The following DCAF1 variants were observed in gnomAD, a reference collection of about 807,000 sequenced individuals.
The protein encoded by DCAF1 is DDB1- and CUL4-associated factor 1.
DCAF1 carries 15 observed loss-of-function variants against 128.0 expected under a neutral mutation model. The ratio of observed to expected loss-of-function variants is 0.12; its 90% CI spans 0.08 to 0.18. DCAF1 has a LOEUF of 0.18. Among genes scored for constraint, DCAF1 ranks in the 10% least tolerant of loss-of-function variants. The pLI, the probability that DCAF1 is intolerant of heterozygous loss-of-function variation, is 1.00. For synonymous variants in DCAF1, 610 were observed against 603.0 expected, an observed-to-expected ratio of 1.01 and a Z score of -0.17; for missense variants, 988 against 1,649.5, an observed-to-expected ratio of 0.60 and a Z score of 6.95.
At chr3:51,483,068 G>C (rs143091982) in intron 3 of DCAF1, among the ~76,000 whole-genome samples, 1 of 151,392 alleles carries the variant, frequency 6.6e-6, no homozygotes, top group Non-Finnish European at 1.5e-5. Flanking sequence ...GAACCCAGGA[G>C]GCGGAGGTTA....
chr3:51,400,904 A>G (rs2089636149), intron 24 of DCAF1, among the ~76,000 whole-genome samples: 1 of 152,066 alleles, frequency 6.6e-6, no homozygotes, highest in Admixed American at 6.5e-5. Context: ...AGGCCAAAGC[A>G]GGCGGATCAC....
At chr3:51,417,473 C>T (rs1553630783) in intron 17 of DCAF1, among the ~76,000 whole-genome samples, 1 of 151,974 alleles carries the variant, frequency 6.6e-6, no homozygotes, top group Non-Finnish European at 1.5e-5. Flanking sequence ...GTAATCCCAG[C>T]ACTTTGGGAG....
chr3:51,420,188 T>C lies in DCAF1; in HGVS notation c.2782A>G (p.Thr928Ala). Reference protein sequence around the residue: ...AVGASAPSAPTAHPQPRPPQG... With the variant: ...AVGASAPSAPAAHPQPRPPQG... Reference sequence around the variant, plus strand: ...GGGGGCCGTGGCTGAGGATGAGCAGTAGGGGCAGAAGGCGCAGAGGCACCC... The same window carrying C: ...GGGGGCCGTGGCTGAGGATGAGCAGCAGGGGCAGAAGGCGCAGAGGCACCC... The change falls in exon 15 of 25, where the codon ACT becomes GCT. Residue 928 changes from threonine (T) to alanine (A), a missense_variant. Coordinates refer to ENST00000684031, the MANE Select transcript of DCAF1 (RefSeq NM_001387579.1). The surrounding 1 kb of genome is among the most constrained non-coding windows in gnomAD (Gnocchi z 6.5). 2 of 1,613,660 alleles carry C rather than the reference T, an allele frequency of 1.2e-6. No homozygotes were observed. Among genetic ancestry groups the C allele is most frequent in the East Asian group, 4.5e-5 (2 of 44,870 alleles).
chr3:51,439,712 C>A (rs967597617), intron 9 of DCAF1, among the ~76,000 whole-genome samples: 63 of 151,918 alleles, frequency 4.1e-4, no homozygotes, highest in African/African-American at 1.5e-3. Context: ...TTTTTTGTGG[C>A]CAGGCGTGAT....
chr3:51,445,989 C>CTTTTTT (rs782164524), intron 6 of DCAF1, among the ~76,000 whole-genome samples: 1 of 117,634 alleles, frequency 8.5e-6, no homozygotes. Context: ...AACCTAAGTT[C>CTTTTTT]TTTTTTTTTT....
At chr3:51,404,484 A>T (rs1553626003) in intron 23 of DCAF1, among the ~76,000 whole-genome samples, 1 of 152,224 alleles carries the variant, frequency 6.6e-6, no homozygotes, top group Non-Finnish European at 1.5e-5. Flanking sequence ...CAAGCACTTA[A>T]AAAACAAGCA....
chr3:51,487,678 TTC>T (rs1463665669), intron 2 of DCAF1, among the ~76,000 whole-genome samples: 123 of 151,464 alleles, frequency 8.1e-4, no homozygotes, highest in African/African-American at 2.7e-3. Context: ...TCTCTCCTCT[TTC>T]TCTCTCTCTC....
intron 3 of DCAF1, among the ~76,000 whole-genome samples, chr3:51,473,734 C>T (rs1003568511): frequency 1.2e-4 from 18 of 151,962 alleles, no homozygotes; most frequent in African/African-American, 4.1e-4. Context: ...CCTCGAACTC[C>T]TGGGCTCAAG....
intron 23 of DCAF1, among the ~76,000 whole-genome samples, chr3:51,408,131 G>T (rs558830235): frequency 1.3e-5 from 2 of 152,194 alleles, no homozygotes; most frequent in East Asian, 3.9e-4. Context: ...AATATTTATG[G>T]GTGTCCAATA....
At position 51,413,012 on chromosome 3, in the gene DCAF1, C is replaced by T. The variant is rs1559480271; in HGVS notation, c.4091G>A (p.Cys1364Tyr). 1 of 1,613,964 alleles carries T rather than the reference C, an allele frequency of 6.2e-7. No homozygotes were observed. Among genetic ancestry groups the T allele is most frequent in the Non-Finnish European group, 8.5e-7 (1 of 1,179,868 alleles). Residue 1364 changes from cysteine to tyrosine, a missense_variant, in exon 22 of 25, where the codon TGC (cysteine) becomes TAC (tyrosine). Coordinates refer to ENST00000684031, the MANE Select transcript of DCAF1 (RefSeq NM_001387579.1). ...CTTTACCTCAATGACAGCAAGATAG[C>T]AGTCTTTGGTGTCTGTACACAGGTC... Reference protein sequence around the residue: ...IFDLCTDTKDCYLAVIENQGS... With the variant: ...IFDLCTDTKDYYLAVIENQGS...
chr3:51,397,593 C>CG (rs1292900035), downstream of DCAF1: 5 of 167,240 alleles, frequency 3.0e-5, no homozygotes, highest in East Asian at 9.6e-4. Context: ...CAGAGAGCTG[C>CG]GTCCACAGGG....
upstream of DCAF1, among the ~76,000 whole-genome samples, chr3:51,500,353 C>T (rs937992747): frequency 2.6e-5 from 4 of 152,098 alleles, no homozygotes; most frequent in African/African-American, 9.7e-5. Context: ...CCTTCTAAGA[C>T]AGTACTGTAA....
rs1191260386 is a variant in DCAF1 at position 51,414,840 on chromosome 3, A to T, written c.3621T>A (p.Thr1207=). The change falls in exon 19 of 25, where the codon ACT becomes ACA. Residue 1207 remains threonine, a synonymous_variant. Coordinates refer to ENST00000684031, the MANE Select transcript of DCAF1 (RefSeq NM_001387579.1). Reference sequence around the variant, plus strand: ...TAAACAGAGTCAACAGCTTGTTGCCAGTCTGAATATCATAAATCTTTAGAG... The same window carrying T: ...TAAACAGAGTCAACAGCTTGTTGCCTGTCTGAATATCATAAATCTTTAGAG... ...GDIAHIYDIQ[T]GNKLLTLFNP... 5.0e-6 allele frequency: 8 copies of T among 1,613,916 alleles called. No individual in the cohort carries two copies. Among genetic ancestry groups the T allele is most frequent in the Non-Finnish European group, 6.8e-6 (8 of 1,179,782 alleles).
At chr3:51,453,211 CACA>C (rs1303665134) in intron 6 of DCAF1, among the ~76,000 whole-genome samples, 17 of 152,218 alleles carry the variant, frequency 1.1e-4, no homozygotes, top group Non-Finnish European at 2.4e-4. Context: ...TAACGTTAAT[CACA>C]ACGTTATTCT....
In DCAF1 at chr3:51,429,446, A is replaced by G; in HGVS notation, c.1492T>C (p.Leu498=). The G allele has an allele frequency of 1.3e-6, 1 of 780,932 alleles. No homozygotes were observed. The highest frequency in any genetic ancestry group is 2.4e-6 in the Non-Finnish European group (1 of 418,000). 48.4% of individuals were successfully genotyped at this position (780,932 alleles called of 1,614,324 possible). Residue 498 remains leucine, a synonymous_variant, in exon 12 of 25, where the codon TTG becomes CTG. Coordinates refer to ENST00000684031, the MANE Select transcript of DCAF1 (RefSeq NM_001387579.1). ...CTCAGAAGTGCACCCTGATCTTCCAAATTTAGAATCTCCAAAGTACTGATC... is the reference window on the plus strand; with the variant it reads ...CTCAGAAGTGCACCCTGATCTTCCAGATTTAGAATCTCCAAAGTACTGATC... ...NLISTLEILN[L]EDQGALLSDD... is the part of the protein sequence containing the mutation.
intron 3 of DCAF1, among the ~76,000 whole-genome samples, chr3:51,475,525 T>C (rs975888105): frequency 2.6e-5 from 4 of 152,064 alleles, no homozygotes; most frequent in Non-Finnish European, 5.9e-5. Flanking sequence ...GGAAGACGGC[T>C]TGAGCCCAGG....
At chr3:51,414,121 CTTT>C (rs1207344598) in intron 19 of DCAF1, 78 bp from the exon 20 acceptor site, 3 of 1,457,008 alleles carry the variant, frequency 2.1e-6, no homozygotes, top group Admixed American at 2.6e-5. Context: ...TAAAATATCA[CTTT>C]TTTTCCTCCT....
chr3:51,462,893 T>C (rs540778677), intron 6 of DCAF1, among the ~76,000 whole-genome samples: 6 of 151,836 alleles, frequency 4.0e-5, no homozygotes, highest in African/African-American at 1.2e-4. Flanking sequence ...TTGAGCCCAG[T>C]TGCTCACTGG....
At chr3:51,469,220 A>ATTT (rs1559550222) in intron 4 of DCAF1, among the ~76,000 whole-genome samples, 1 of 143,522 alleles carries the variant, frequency 7.0e-6, no homozygotes, top group African/African-American at 2.7e-5. Context: ...TCCACACACA[A>ATTT]ATTTTTTTTT....
Sources: gnomAD v4.1 joint callset for allele counts (sites outside exome capture counted in the v4.1 genomes callset) on GRCh38, gnomAD v4.1.1 for gene constraint, Gnocchi (gnomAD v3.1) non-coding constraint, MANE v1.5 for transcripts, NCBI Gene and HGNC (gene_info 2026-07-23, HGNC 2026-07-21) for gene names.